ERICH1: variants seen among roughly 807,000 people sequenced by gnomAD.
ERICH1 encodes glutamate-rich protein 1.
ERICH1 carries 56 observed loss-of-function variants against 39.6 expected under a neutral mutation model. That is an observed-to-expected ratio of 1.41 (90% CI 1.14 to 1.77). The LOEUF (loss-of-function observed/expected upper bound fraction) is 1.77, where lower values mean the gene tolerates loss of function less well. Among genes scored for constraint, ERICH1 ranks in the 40% most tolerant of loss-of-function variants. The pLI, the probability that ERICH1 is intolerant of heterozygous loss-of-function variation, is 0.00. For synonymous variants in ERICH1, 313 were observed against 223.6 expected (o/e 1.40, Z -3.57); for missense variants, 826 against 575.4 (o/e 1.44, Z -4.45).
At chr8:716,986 T>C (rs982206581) in intron 1 of ERICH1, among the ~76,000 whole-genome samples, 16 of 152,212 alleles carry the variant, frequency 1.1e-4, no homozygotes, top group Admixed American at 7.8e-4. Flanking sequence ...AAGAACACTA[T>C]GTGGGTTTCC....
rs116713219 is a variant in ERICH1, at chr8:632,335, A to G, written c.977-17051T>C. Among the ~76,000 whole-genome samples, 496 of 147,582 alleles carry G rather than the reference A, an allele frequency of 3.4e-3. 2 individuals carry two copies. The highest frequency in any genetic ancestry group is 0.011 in the African/African-American group (461 of 41,038). ...AATTTCTAATTAGCAGTAAAAAAAA[A>G]ATAATAATGAATGCCAAGGCTGCAA... is the stretch of plus-strand genomic sequence containing the variant. On this transcript the variant is annotated intron_variant, in intron 3 of 3. Transcript: ENST00000522706.
chr8:615,491 G>A, intron 3 of ERICH1: 1 of 455,370 alleles, frequency 2.2e-6, no homozygotes, highest in Admixed American at 4.1e-5. Flanking sequence ...CGAGGCCTGG[G>A]TGCACTGACA....
At chr8:709,120 G>T (rs1814113612) in intron 2 of ERICH1, among the ~76,000 whole-genome samples, 1 of 152,166 alleles carries the variant, frequency 6.6e-6, no homozygotes, top group Non-Finnish European at 1.5e-5. Flanking sequence ...ATTTGAAATG[G>T]TAAATTTGAG....
chr8:617,100 G>C (rs921171216), intron 3 of ERICH1, among the ~76,000 whole-genome samples: 8 of 152,294 alleles, frequency 5.3e-5, no homozygotes, highest in Middle Eastern at 3.4e-3. Context: ...CTGTATGACA[G>C]TGCATATTAT....
intron 3 of ERICH1, among the ~76,000 whole-genome samples, chr8:631,676 A>C (rs1017856792): frequency 1.3e-5 from 2 of 152,064 alleles, no homozygotes; most frequent in African/African-American, 4.8e-5. Flanking sequence ...TTACCACCAG[A>C]GCCCTTTTTC....
chr8:668,888 C>T lies in ERICH1; in HGVS notation c.1064-96G>A, dbSNP rs192980727. On this transcript the variant is annotated intron_variant, in intron 4 of 5. Transcript: ENST00000262109. Reference sequence around the variant, plus strand: ...TCTCTTAAGGAAGGTCTCAAACCTACGCTTCCACACAGAATGACATATCTG... The same window carrying T: ...TCTCTTAAGGAAGGTCTCAAACCTATGCTTCCACACAGAATGACATATCTG... The T allele has an allele frequency of 2.6e-4, 278 of 1,077,478 alleles. No homozygotes were observed. In the African/African-American group the frequency reaches 3.3e-3, roughly 13 times the overall value. The allele number at this position is 1,077,478 out of a possible 1,614,324, so 66.7% of individuals were successfully genotyped here.
intron 2 of ERICH1, among the ~76,000 whole-genome samples, chr8:699,690 C>T (rs1811253378): frequency 6.7e-6 from 1 of 150,260 alleles, no homozygotes; most frequent in Admixed American, 6.6e-5. Flanking sequence ...CGTGCACAGA[C>T]TCACACAGGC....
In ERICH1 at chr8:649,257, G is replaced by A. The variant is rs1383686109; in HGVS notation, c.976+19341C>T. 1.0e-4 allele frequency among the ~76,000 whole-genome samples: 7 copies of A among 69,144 alleles called. 3 individuals carry two copies. Among genetic ancestry groups the A allele is most frequent in the Admixed American group, 6.2e-4 (5 of 8,080 alleles). The allele number at this position is 69,144 out of a possible 152,430, so 45.4% of individuals were successfully genotyped here. ...ATCTACCAGCATCCAGGGAGAGTAA[G>A]AGATGGCATATCTGTGCCAGTGCAG... On this transcript the variant is annotated intron_variant, in intron 3 of 3. Coordinates refer to the ERICH1 transcript ENST00000522706.
chr8:702,216 G>A (rs913215396), intron 2 of ERICH1, among the ~76,000 whole-genome samples: 10 of 152,308 alleles, frequency 6.6e-5, no homozygotes, highest in African/African-American at 2.2e-4. Context: ...GCCAGGAGGC[G>A]TGAAAGGCTG....
intron 4 of ERICH1, 117 bp downstream of exon 4, chr8:673,168 CTAAT>C (rs548909742): frequency 2.1e-4 from 255 of 1,215,162 alleles, no homozygotes; most frequent in African/African-American, 2.0e-3. Flanking sequence ...TGCCTTACAA[CTAAT>C]TATTTTACAT....
At chr8:629,236 G>C (rs1416538985) in intron 3 of ERICH1, among the ~76,000 whole-genome samples, 4 of 152,162 alleles carry the variant, frequency 2.6e-5, no homozygotes, top group Non-Finnish European at 1.5e-5. Flanking sequence ...ATGGCCAACA[G>C]GCTACCCCAG....
intron 4 of ERICH1, 88 bp downstream of exon 4, chr8:673,201 G>C: frequency 7.1e-7 from 1 of 1,407,280 alleles, no homozygotes; most frequent in African/African-American, 1.5e-5. Flanking sequence ...TTTAAAGTAT[G>C]TTTTAACATT....
chr8:658,380 C>T lies in ERICH1; in HGVS notation c.976+10218G>A, dbSNP rs527411660. On this transcript the variant is annotated intron_variant, in intron 3 of 3. Coordinates refer to the ERICH1 transcript ENST00000522706. ...CTGTGGGGTGGTCAGGCCAGAGCCC[C>T]GGAAGGGGGTGGAGACACAAGGCCC... 8.5e-5 allele frequency among the ~76,000 whole-genome samples: 13 copies of T among 152,268 alleles called. No individual in the cohort carries two copies. The South Asian group carries it at 2.5e-3, about 29-fold the overall frequency.
rs1253981118 is a variant in ERICH1, at chr8:664,425, C to T, written c.*178G>A. 24 of 1,246,562 alleles carry T rather than the reference C, an allele frequency of 1.9e-5. No individual in the cohort carries two copies. Among genetic ancestry groups the T allele is most frequent in the Non-Finnish European group, 2.1e-5 (21 of 994,688 alleles). 77.2% of individuals were successfully genotyped at this position (1,246,562 alleles called of 1,614,324 possible). ...AAATAAGTGAAAAATTTCCATTTTA[C>T]CCCAATTTCTCATCTGAAGCCTCAG... On this transcript the variant is annotated 3_prime_UTR_variant, in exon 6 of 6. Transcript: ENST00000262109.
chr8:670,478 G>C (rs1011823350), intron 4 of ERICH1, among the ~76,000 whole-genome samples: 1 of 152,158 alleles, frequency 6.6e-6, no homozygotes, highest in African/African-American at 2.4e-5. Context: ...CAGGCAGACC[G>C]AGTAGAGGGG....
chr8:681,754 T>G (rs1197560596), intron 3 of ERICH1, among the ~76,000 whole-genome samples: 1 of 152,224 alleles, frequency 6.6e-6, no homozygotes, highest in Non-Finnish European at 1.5e-5. Context: ...CGCACTTACA[T>G]CTGGGTGGAA....
At chr8:655,578 A>G (rs1002595092) in intron 3 of ERICH1, among the ~76,000 whole-genome samples, 3 of 151,980 alleles carry the variant, frequency 2.0e-5, no homozygotes, top group Admixed American at 6.5e-5. Flanking sequence ...AGCAACCTTC[A>G]TCACGGGGGA....
intron 3 of ERICH1, among the ~76,000 whole-genome samples, chr8:622,133 G>A (rs1464827205): frequency 6.6e-6 from 1 of 152,176 alleles, no homozygotes; most frequent in Admixed American, 6.5e-5. Context: ...GTGGCAGGAG[G>A]ACTATTTGAT....
At chr8:708,698 T>TC (rs1288382104) in intron 2 of ERICH1, among the ~76,000 whole-genome samples, 1 of 139,698 alleles carries the variant, frequency 7.2e-6, no homozygotes, top group Admixed American at 7.3e-5. Flanking sequence ...TTTTTTTTTT[T>TC]TTTTTTTTTT....
Sources: allele counts gnomAD v4.1 joint callset (sites outside exome capture counted in the v4.1 genomes callset), GRCh38; gene constraint gnomAD v4.1.1; transcripts MANE v1.5; gene names NCBI Gene and HGNC (gene_info 2026-07-23, HGNC 2026-07-21).